GARIN2: variants seen among roughly 807,000 people sequenced by gnomAD.
GARIN2 encodes the protein golgi associated RAB2 interactor family member 2.
chr14:67,206,769 T>A, the GARIN2 span, among the ~76,000 whole-genome samples: 2 of 151,886 alleles, frequency 1.3e-5, no homozygotes, highest in African/African-American at 2.4e-5. Flanking sequence ...CTCACTCCGT[T>A]GCCCAGGCTG....
At chr14:67,213,754 G>T in the GARIN2 span, among the ~76,000 whole-genome samples, 3 of 152,128 alleles carry the variant, frequency 2.0e-5, no homozygotes, top group African/African-American at 4.8e-5. Flanking sequence ...ACTTCCACAA[G>T]GGTTGAACTA....
At chr14:67,209,289 G>A in the GARIN2 span, among the ~76,000 whole-genome samples, 1 of 152,116 alleles carries the variant, frequency 6.6e-6, no homozygotes, top group Non-Finnish European at 1.5e-5. Flanking sequence ...GCTGGAATGT[G>A]CTGTGATGAA....
At chr14:67,203,153 C>T in the GARIN2 span, 1 of 1,613,850 alleles carries the variant, frequency 6.2e-7, no homozygotes, top group Non-Finnish European at 8.5e-7. Context: ...TGACCGTAGG[C>T]ATCTGTTTTT....
chr14:67,222,922 G>A, the GARIN2 span, among the ~76,000 whole-genome samples: 1 of 150,816 alleles, frequency 6.6e-6, no homozygotes, highest in African/African-American at 2.4e-5. Context: ...ACAAGAGTCA[G>A]TCCCACAAAA....
At chr14:67,202,089 C>T in the GARIN2 span, among the ~76,000 whole-genome samples, 570 of 152,236 alleles carry the variant, frequency 3.7e-3, 8 homozygotes, top group Admixed American at 0.019. Context: ...CAGAACTGGT[C>T]GATTGGTACG....
chr14:67,217,094 A>C, the GARIN2 span, among the ~76,000 whole-genome samples: 12 of 152,236 alleles, frequency 7.9e-5, no homozygotes, highest in South Asian at 2.5e-3. Context: ...GCTCCAGTGT[A>C]CATGTATATT....
chr14:67,192,713 A>G, the GARIN2 span, among the ~76,000 whole-genome samples: 1 of 149,396 alleles, frequency 6.7e-6, no homozygotes, highest in Non-Finnish European at 1.5e-5. Context: ...CTGCTGTTTT[A>G]AAAAAAAAAT....
chr14:67,213,098 T>TG, the GARIN2 span, among the ~76,000 whole-genome samples: 2 of 149,970 alleles, frequency 1.3e-5, no homozygotes, highest in African/African-American at 2.4e-5. Flanking sequence ...CTGTGGTGTT[T>TG]TTTTTTTTTT....
chr14:67,198,990 C>T, the GARIN2 span: 1 of 704,884 alleles, frequency 1.4e-6, no homozygotes, highest in African/African-American at 1.7e-5. Flanking sequence ...CAGCTGATTT[C>T]ACAGAGGGGT....
chr14:67,226,044 G>A, the GARIN2 span, among the ~76,000 whole-genome samples: 7 of 151,980 alleles, frequency 4.6e-5, no homozygotes, highest in South Asian at 2.1e-4. Context: ...GGTGGACCAC[G>A]GGTGGCCTGG....
At chr14:67,221,776 C>T in the GARIN2 span, 1 of 1,613,202 alleles carries the variant, frequency 6.2e-7, no homozygotes, top group Non-Finnish European at 8.5e-7. Flanking sequence ...TTTATTTTTA[C>T]AGGAGCTTGA....
At chr14:67,227,050 C>A in the GARIN2 span, among the ~76,000 whole-genome samples, 1 of 152,146 alleles carries the variant, frequency 6.6e-6, no homozygotes, top group African/African-American at 2.4e-5. Context: ...TATTCAGCAA[C>A]AAAATTTCAA....
At chr14:67,195,812 C>G in the GARIN2 span, among the ~76,000 whole-genome samples, 3 of 151,426 alleles carry the variant, frequency 2.0e-5, no homozygotes, top group African/African-American at 7.3e-5. Context: ...GGCACGATCT[C>G]AGCTCACTGC....
At chr14:67,197,586 C>T in the GARIN2 span, among the ~76,000 whole-genome samples, 2 of 151,920 alleles carry the variant, frequency 1.3e-5, no homozygotes, top group Non-Finnish European at 2.9e-5. Flanking sequence ...ATTTTTCCAC[C>T]GACTTAGAGT....
the GARIN2 span, among the ~76,000 whole-genome samples, chr14:67,195,454 A>G: frequency 3.9e-5 from 6 of 152,110 alleles, no homozygotes; most frequent in Non-Finnish European, 8.8e-5. Flanking sequence ...GCCTTTCGCT[A>G]TCCCAGCAGC....
the GARIN2 span, chr14:67,204,514 T>C: frequency 5.0e-6 from 8 of 1,604,220 alleles, no homozygotes; most frequent in Non-Finnish European, 6.8e-6. Context: ...CTCCAGATGA[T>C]GTTACCGTGT....
the GARIN2 span, chr14:67,200,303 G>A: frequency 0.022 from 14,622 of 670,112 alleles, 209 homozygotes; most frequent in Non-Finnish European, 0.028. Context: ...CTCGAGGCCC[G>A]CTTTGGAGCC....
the GARIN2 span, among the ~76,000 whole-genome samples, chr14:67,213,785 T>C: frequency 6.6e-6 from 1 of 152,214 alleles, no homozygotes. Flanking sequence ...CCACCAATAG[T>C]GTAAAAGTGT....
the GARIN2 span, chr14:67,201,372 C>T: frequency 4.5e-6 from 2 of 446,744 alleles, no homozygotes; most frequent in Non-Finnish European, 9.0e-6. Context: ...AGCCCCAGGG[C>T]ATCAGCTCAC....
Sources: allele counts gnomAD v4.1 joint callset (sites outside exome capture counted in the v4.1 genomes callset), GRCh38; gene constraint gnomAD v4.1.1; transcripts MANE v1.5; gene names NCBI Gene and HGNC (gene_info 2026-07-23, HGNC 2026-07-21).